Variants in TCF4 observed in about 807,000 individuals in gnomAD.
TCF4 encodes the protein transcription factor 4.
A neutral mutation model predicts 82.1 loss-of-function variants in TCF4; 3 were observed. The observed-to-expected ratio is 0.04, with a 90% CI of 0.02 to 0.09. The LOEUF is 0.09. TCF4 is among the 10% of genes least tolerant of loss of function. The pLI, the probability that TCF4 is intolerant of heterozygous loss-of-function variation, is 1.00. For synonymous variants in TCF4, 276 were observed against 309.6 expected (o/e 0.89, Z 1.14); for missense variants, 518 against 852.7 (o/e 0.61, Z 4.89).
At chr18:55,624,708 C>T (rs1223369838) in intron 2 of TCF4, among the ~76,000 whole-genome samples, 1 of 152,258 alleles carries the variant, frequency 6.6e-6, no homozygotes, top group Middle Eastern at 3.4e-3. Flanking sequence ...TGAAAACAAA[C>T]CAACCCTTTC....
At chr18:55,300,973 T>G (rs2068076506) in intron 8 of TCF4, among the ~76,000 whole-genome samples, 1 of 152,038 alleles carries the variant, frequency 6.6e-6, no homozygotes, top group African/African-American at 2.4e-5. Context: ...TGAGCACAGG[T>G]GTGAAGCAGA....
intron 8 of TCF4, among the ~76,000 whole-genome samples, chr18:55,309,363 C>A (rs1312733473): frequency 6.6e-6 from 1 of 151,902 alleles, no homozygotes; most frequent in Non-Finnish European, 1.5e-5. Flanking sequence ...CTTAGGCAAT[C>A]CTCCCGCTTC....
At chr18:55,620,754 A>G (rs547906857) in intron 2 of TCF4, among the ~76,000 whole-genome samples, 1 of 150,108 alleles carries the variant, frequency 6.7e-6, no homozygotes, top group African/African-American at 2.4e-5. Context: ...TTTGTCGTCC[A>G]TTGCCCAGCA....
intron 3 of TCF4, among the ~76,000 whole-genome samples, chr18:55,466,774 C>T (rs2096032816): frequency 6.6e-6 from 1 of 152,134 alleles, no homozygotes; most frequent in Non-Finnish European, 1.5e-5. Context: ...AATTAGCAGG[C>T]AGATAAAACA....
At chr18:55,559,652 A>AT (rs11406882) in intron 3 of TCF4, among the ~76,000 whole-genome samples, 4 of 151,336 alleles carry the variant, frequency 2.6e-5, no homozygotes, top group Non-Finnish European at 4.4e-5. Context: ...AAAAAAAAAA[A>AT]CTTATTTTGG....
intron 5 of TCF4, among the ~76,000 whole-genome samples, chr18:55,407,118 A>G (rs1375394590): frequency 6.6e-6 from 1 of 152,176 alleles, no homozygotes; most frequent in African/African-American, 2.4e-5. Flanking sequence ...TATACCAGAA[A>G]CAAATCTTGT....
intron 13 of TCF4, among the ~76,000 whole-genome samples, chr18:55,258,702 T>C (rs988631537): frequency 6.6e-6 from 1 of 152,200 alleles, no homozygotes; most frequent in African/African-American, 2.4e-5. Context: ...TTGTTTGAAA[T>C]GTGGAAACTG....
intron 3 of TCF4, chr18:55,482,591 C>A (rs557224178): frequency 6.6e-6 from 1 of 152,196 alleles, no homozygotes; most frequent in Non-Finnish European, 1.5e-5. Flanking sequence ...TCTTTGTGAA[C>A]AGACATGCAA....
chr18:55,442,935 C>T (rs1326237283), intron 5 of TCF4, among the ~76,000 whole-genome samples: 9 of 152,184 alleles, frequency 5.9e-5, no homozygotes, highest in Non-Finnish European at 1.5e-5. Context: ...TATAAATGAA[C>T]CAAGATGGAC....
At chr18:55,530,413 C>T (rs1322467293) in intron 3 of TCF4, among the ~76,000 whole-genome samples, 1 of 151,704 alleles carries the variant, frequency 6.6e-6, no homozygotes, top group Admixed American at 6.6e-5. Context: ...AGTGTCTGGA[C>T]TTGTGGATAA....
At chr18:55,253,569 C>T (rs907821349) in intron 15 of TCF4, among the ~76,000 whole-genome samples, 1 of 152,022 alleles carries the variant, frequency 6.6e-6, no homozygotes, top group Non-Finnish European at 1.5e-5. Context: ...TCTCCAAAAT[C>T]CTTTCAAAAG....
intron 5 of TCF4, among the ~76,000 whole-genome samples, chr18:55,440,338 C>T (rs1222745034): frequency 6.6e-6 from 1 of 152,164 alleles, no homozygotes; most frequent in Non-Finnish European, 1.5e-5. Flanking sequence ...GTGACTACCG[C>T]TAAGCTTTGG....
intron 3 of TCF4, among the ~76,000 whole-genome samples, chr18:55,485,274 G>A (rs745553306): frequency 1.3e-5 from 2 of 152,168 alleles, no homozygotes; most frequent in Admixed American, 6.5e-5. Flanking sequence ...GTCCATTTGA[G>A]TCAGGGTTTT....
At chr18:55,446,657 C>G (rs1321905843) in intron 5 of TCF4, among the ~76,000 whole-genome samples, 1 of 152,114 alleles carries the variant, frequency 6.6e-6, no homozygotes, top group Non-Finnish European at 1.5e-5. Flanking sequence ...GTGTAAAGTA[C>G]TTAGCAAGTG....
chr18:55,334,811 TAAG>T (rs77213261), intron 8 of TCF4, among the ~76,000 whole-genome samples: 10,484 of 152,216 alleles, frequency 0.069, 488 homozygotes, highest in Non-Finnish European at 0.11. Context: ...CTTCAGTGAC[TAAG>T]AAGCTCAGAG....
intron 3 of TCF4, among the ~76,000 whole-genome samples, chr18:55,555,287 A>C (rs1027869127): frequency 1.3e-5 from 2 of 152,206 alleles, no homozygotes; most frequent in African/African-American, 2.4e-5. Context: ...TACTAAAAAG[A>C]AAGCTGCCTA....
At chr18:55,401,317 G>C in intron 6 of TCF4, 1 of 1,173,000 alleles carries the variant, frequency 8.5e-7, no homozygotes, top group Non-Finnish European at 1.1e-6. Flanking sequence ...GGAGATTGCT[G>C]CGACCACGCT....
At chr18:55,619,700 AT>A (rs1266074237) in intron 2 of TCF4, among the ~76,000 whole-genome samples, 3 of 152,000 alleles carry the variant, frequency 2.0e-5, no homozygotes, top group African/African-American at 2.4e-5. Context: ...CAATTACTTA[AT>A]TTTTTTCATT....
At chr18:55,269,760 A>G (rs767302794) in intron 11 of TCF4, 71 bp downstream of exon 11, 33 of 1,596,600 alleles carry the variant, frequency 2.1e-5, no homozygotes, top group Non-Finnish European at 2.7e-5. Context: ...TATGAAAGGG[A>G]AAAAGAGGTC....
Sources: allele counts gnomAD v4.1 joint callset (sites outside exome capture counted in the v4.1 genomes callset), GRCh38; gene constraint gnomAD v4.1.1; transcripts MANE v1.5; gene names NCBI Gene and HGNC (gene_info 2026-07-23, HGNC 2026-07-21).